Variants in TTC7B observed in about 807,000 individuals in gnomAD.
TTC7B encodes the protein tetratricopeptide repeat domain 7B.
A neutral mutation model predicts 106.8 loss-of-function variants in TTC7B; 28 were observed. The observed-to-expected ratio is 0.26, with a 90% CI of 0.19 to 0.36. TTC7B has a LOEUF of 0.36. TTC7B is among the 10% of genes least tolerant of loss of function. The pLI, the probability that TTC7B is intolerant of heterozygous loss-of-function variation, is 1.00. For synonymous variants in TTC7B, 405 were observed against 430.6 expected, an observed-to-expected ratio of 0.94 and a Z score of 0.74; for missense variants, 862 against 1,076.4, an observed-to-expected ratio of 0.80 and a Z score of 2.79.
chr14:90,771,044 G>A (rs1204093654), intron 3 of TTC7B, among the ~76,000 whole-genome samples: 1 of 152,170 alleles, frequency 6.6e-6, no homozygotes, highest in Non-Finnish European at 1.5e-5. Context: ...GTGGCTGGGG[G>A]TGGGAGGGGA....
intron 19 of TTC7B, among the ~76,000 whole-genome samples, chr14:90,557,126 A>G (rs1890346976): frequency 6.6e-6 from 1 of 152,140 alleles, no homozygotes; most frequent in Non-Finnish European, 1.5e-5. Flanking sequence ...ACAGAGCCCC[A>G]TCTGCCCTCT....
At chr14:90,590,676 A>G (rs561360534) in intron 18 of TTC7B, among the ~76,000 whole-genome samples, 16 of 152,246 alleles carry the variant, frequency 1.1e-4, no homozygotes, top group Non-Finnish European at 2.2e-4. Flanking sequence ...CTCAAATCAC[A>G]TAAGGTAAAA....
chr14:90,618,194 T>C (rs995511855), intron 15 of TTC7B, 149 bp from the exon 16 acceptor site: 2 of 594,044 alleles, frequency 3.4e-6, no homozygotes, highest in Admixed American at 3.0e-5. Context: ...GAAAGCGGGA[T>C]TCCAGAACTC....
intron 1 of TTC7B, among the ~76,000 whole-genome samples, chr14:90,795,329 G>T (rs55775437): frequency 0.042 from 6,457 of 152,278 alleles, 186 homozygotes; most frequent in Non-Finnish European, 0.058. Context: ...GGCCTTGAGA[G>T]CTTCCAGGTG....
intron 6 of TTC7B, among the ~76,000 whole-genome samples, chr14:90,695,018 A>AC (rs1887657181): frequency 1.6e-4 from 8 of 50,524 alleles, no homozygotes; most frequent in East Asian, 1.0e-3. Flanking sequence ...ATTTATTATA[A>AC]ATATATGTAT....
chr14:90,661,208 A>G (rs569753287), intron 9 of TTC7B, among the ~76,000 whole-genome samples: 1 of 152,356 alleles, frequency 6.6e-6, no homozygotes, highest in South Asian at 2.1e-4. Context: ...CTCTTTGGCT[A>G]AGCCACTGCA....
intron 1 of TTC7B, among the ~76,000 whole-genome samples, chr14:90,809,662 G>A (rs1287942106): frequency 2.0e-5 from 3 of 152,204 alleles, no homozygotes; most frequent in Admixed American, 1.3e-4. Flanking sequence ...GAAAACCCTC[G>A]GCCTGACTTC....
rs541545178 is a variant in TTC7B at position 90,624,118 on chromosome 14, G to A, written c.1752-6073C>T. On this transcript the variant is annotated intron_variant, in intron 15 of 19. Transcript: ENST00000328459. This position sits in a 1 kb window ranked among gnomAD's most constrained non-coding sequence, Gnocchi z 4.0. ...TGTGTGCATGTGTGTGTGCGCGTGCGCGTGTGTGTGTTTTGTGACTTGTCT... is the reference window on the plus strand; with the variant it reads ...TGTGTGCATGTGTGTGTGCGCGTGCACGTGTGTGTGTTTTGTGACTTGTCT... 2.2e-4 allele frequency among the ~76,000 whole-genome samples: 33 copies of A among 152,364 alleles called. No individual in the cohort carries two copies. Among genetic ancestry groups the A allele is most frequent in the East Asian group, 1.3e-3 (7 of 5,188 alleles).
intron 14 of TTC7B, among the ~76,000 whole-genome samples, chr14:90,646,498 T>G (rs1490663465): frequency 6.6e-6 from 1 of 152,236 alleles, no homozygotes; most frequent in Non-Finnish European, 1.5e-5. Context: ...GACCTGGTTC[T>G]TTTGTCTCTG....
chr14:90,598,140 C>A (rs1892286235), intron 17 of TTC7B, among the ~76,000 whole-genome samples: 1 of 152,180 alleles, frequency 6.6e-6, no homozygotes, highest in Admixed American at 6.5e-5. Flanking sequence ...GACAATGCGC[C>A]TCTCCCCGCA....
intron 15 of TTC7B, among the ~76,000 whole-genome samples, chr14:90,627,379 C>T (rs1354303661): frequency 6.6e-6 from 1 of 152,196 alleles, no homozygotes; most frequent in Non-Finnish European, 1.5e-5. Flanking sequence ...GTTCCTGCCA[C>T]TCCAGTCTCA....
At chr14:90,711,713 T>C (rs1476931994) in intron 5 of TTC7B, among the ~76,000 whole-genome samples, 1 of 152,242 alleles carries the variant, frequency 6.6e-6, no homozygotes, top group African/African-American at 2.4e-5. Context: ...TGAGCCACTG[T>C]GCCCAGCTGA....
chr14:90,553,097 T>C (rs1239937696), intron 19 of TTC7B, among the ~76,000 whole-genome samples: 1 of 151,902 alleles, frequency 6.6e-6, no homozygotes, highest in Admixed American at 6.5e-5. Context: ...GTGTGCCGAG[T>C]ATTCCAGGAG....
intron 19 of TTC7B, among the ~76,000 whole-genome samples, chr14:90,558,404 G>A (rs1295016615): frequency 1.3e-5 from 2 of 152,256 alleles, no homozygotes; most frequent in Admixed American, 1.3e-4. Flanking sequence ...AGCCCACCCC[G>A]GGCGCTGCTC....
chr14:90,716,031 A>G (rs1218066660), intron 5 of TTC7B, among the ~76,000 whole-genome samples: 1 of 152,212 alleles, frequency 6.6e-6, no homozygotes, highest in Non-Finnish European at 1.5e-5. Flanking sequence ...GTTAAGGCAG[A>G]GTAAGGACTT....
chr14:90,722,703 T>C (rs959719672), intron 5 of TTC7B, among the ~76,000 whole-genome samples: 2 of 152,242 alleles, frequency 1.3e-5, no homozygotes, highest in African/African-American at 4.8e-5. Context: ...GGGTCACAGA[T>C]GTCTTCCATG....
intron 1 of TTC7B, among the ~76,000 whole-genome samples, chr14:90,804,086 A>G (rs2030447669): frequency 6.6e-6 from 1 of 152,208 alleles, no homozygotes; most frequent in Non-Finnish European, 1.5e-5. Flanking sequence ...CTGTAATCCC[A>G]GCACTTTGGA....
chr14:90,681,681 C>A (rs1265928677), intron 7 of TTC7B, among the ~76,000 whole-genome samples: 2 of 152,134 alleles, frequency 1.3e-5, no homozygotes, highest in African/African-American at 4.8e-5. Context: ...TCTTCTGAGG[C>A]TAAAATTTTA....
intron 4 of TTC7B, among the ~76,000 whole-genome samples, chr14:90,741,274 CAG>C (rs1889751603): frequency 6.6e-6 from 1 of 152,222 alleles, no homozygotes; most frequent in Non-Finnish European, 1.5e-5. Flanking sequence ...TAGAGAAACT[CAG>C]AGAACGGCAC....
Sources: allele counts gnomAD v4.1 joint callset (sites outside exome capture counted in the v4.1 genomes callset), GRCh38; gene constraint gnomAD v4.1.1; non-coding constraint Gnocchi (gnomAD v3.1); transcripts MANE v1.5; gene names NCBI Gene and HGNC (gene_info 2026-07-23, HGNC 2026-07-21).